Variants in DNAH3 observed in about 807,000 individuals in gnomAD.
DNAH3 encodes axonemal beta dynein heavy chain 3.
A neutral mutation model predicts 432.5 loss-of-function variants in DNAH3; 332 were observed. That is an observed-to-expected ratio of 0.77 (90% confidence interval 0.70 to 0.84). The LOEUF is 0.84. Ranked by LOEUF, DNAH3 falls within the 40% of genes least tolerant of loss-of-function variation. The pLI is 0.00. For synonymous variants in DNAH3, 1,956 were observed against 1,900.2 expected, an observed-to-expected ratio of 1.03 and a Z score of -0.76; for missense variants, 4,861 against 5,114.0, an observed-to-expected ratio of 0.95 and a Z score of 1.51.
intron 1 of DNAH3, among the ~76,000 whole-genome samples, chr16:21,153,875 C>T (rs1181753403): frequency 3.9e-5 from 6 of 152,198 alleles, no homozygotes; most frequent in South Asian, 2.1e-4. Context: ...TACTCCTTTT[C>T]CTCAAAGTTG....
At chr16:21,010,485 GACAA>G (rs1320294661) in intron 41 of DNAH3, among the ~76,000 whole-genome samples, 1 of 152,160 alleles carries the variant, frequency 6.6e-6, no homozygotes, top group East Asian at 1.9e-4. Flanking sequence ...TCCCTGGGTT[GACAA>G]ACAAAGGTCC....
rs576001289 is a variant in DNAH3, at chr16:21,090,249, TAGA to T, written c.2666-3192_2666-3190del. Among the ~76,000 whole-genome samples the T allele has an allele frequency of 8.0e-4, 120 of 150,326 alleles. 1 individual carries two copies. Among genetic ancestry groups the T allele is most frequent in the Middle Eastern group, 6.9e-3 (2 of 290 alleles). On this transcript the variant is annotated intron_variant, in intron 18 of 61. Transcript: ENST00000261383. ...TTCACTGGAAAATTCTGCCAAACAT[TAGA>T]AGAAGAAAAAAATAACAGCAAAACC...
At chr16:20,933,754 A>G (rs1454044493) in intron 61 of DNAH3, among the ~76,000 whole-genome samples, 1 of 152,228 alleles carries the variant, frequency 6.6e-6, no homozygotes, top group African/African-American at 2.4e-5. Flanking sequence ...TAGGAGTCAC[A>G]TTATTCTAAC....
At chr16:21,128,568 G>A (rs1423537204) in intron 7 of DNAH3, among the ~76,000 whole-genome samples, 5 of 151,692 alleles carry the variant, frequency 3.3e-5, no homozygotes, top group Admixed American at 6.6e-5. Context: ...GGTGGCGGGC[G>A]CCTGTAATCC....
In DNAH3 at chr16:21,122,099, T is replaced by C. The variant is rs1196330101; in HGVS notation, c.1430A>G (p.Tyr477Cys). The C allele has an allele frequency of 1.9e-6, 3 of 1,612,482 alleles. No individual in the cohort carries two copies. In the East Asian group the frequency reaches 6.7e-5, roughly 36 times the overall value. ...AGGTATGAAAAACTTCATCTCTTGGTAGGGCTCCTTAAAATCATTCCCATC... is the reference window on the plus strand; with the variant it reads ...AGGTATGAAAAACTTCATCTCTTGGCAGGGCTCCTTAAAATCATTCCCATC... The change falls in exon 10 of 62, where the codon TAC becomes TGC. Residue 477 changes from tyrosine (Y) to cysteine (C), a missense_variant. Transcript: ENST00000261383.
chr16:21,038,186 T>G (rs7187726), intron 33 of DNAH3, among the ~76,000 whole-genome samples: 12,268 of 152,156 alleles, frequency 0.081, 706 homozygotes, highest in South Asian at 0.18. Flanking sequence ...CATATATGTA[T>G]AACATGTATG....
At chr16:21,147,481 G>A (rs1168616731) in intron 1 of DNAH3, among the ~76,000 whole-genome samples, 3 of 152,088 alleles carry the variant, frequency 2.0e-5, no homozygotes, top group Admixed American at 6.5e-5. Context: ...CTTCCAAAGT[G>A]CTCGGATTAC....
intron 29 of DNAH3, among the ~76,000 whole-genome samples, chr16:21,050,534 G>T (rs1345461951): frequency 6.6e-6 from 1 of 152,116 alleles, no homozygotes; most frequent in Non-Finnish European, 1.5e-5. Context: ...GACCTCCTGG[G>T]CCCAAGTGAT....
At chr16:20,934,942 C>A (rs974318236) in intron 61 of DNAH3, among the ~76,000 whole-genome samples, 1 of 152,146 alleles carries the variant, frequency 6.6e-6, no homozygotes, top group Non-Finnish European at 1.5e-5. Flanking sequence ...AACAGTCAAT[C>A]GTAGCCATTC....
At chr16:20,966,536 G>A (rs1472184) in intron 52 of DNAH3, among the ~76,000 whole-genome samples, 10,839 of 152,110 alleles carry the variant, frequency 0.071, 521 homozygotes, top group East Asian at 0.17. Flanking sequence ...AGCACTTATT[G>A]CAACCTGTAA....
intron 46 of DNAH3, 94 bp downstream of exon 46, chr16:20,987,599 C>T: frequency 1.2e-5 from 18 of 1,546,182 alleles, no homozygotes; most frequent in Admixed American, 7.1e-5. Context: ...AGACTAAGTG[C>T]CTAATAAAAG....
chr16:21,089,621 C>A lies in DNAH3; in HGVS notation c.2666-2561G>T, dbSNP rs146518041. Among the ~76,000 whole-genome samples, 189 of 152,074 alleles carry A rather than the reference C, an allele frequency of 1.2e-3. 1 individual carries two copies. Among genetic ancestry groups the A allele is most frequent in the Admixed American group, 6.0e-3 (91 of 15,266 alleles). On this transcript the variant is annotated intron_variant, in intron 18 of 61. Coordinates refer to ENST00000261383, the Ensembl canonical transcript of DNAH3. ...ACACACTTATAAATAATCCATAGGT[C>A]CTAGAGGAGTCTCAAAGGAAATTAG...
intron 1 of DNAH3, among the ~76,000 whole-genome samples, chr16:21,152,554 C>A (rs535511804): frequency 2.0e-5 from 3 of 152,386 alleles, no homozygotes; most frequent in Admixed American, 6.5e-5. Context: ...CTGGGCTGGG[C>A]AAGGCCGAAG....
At chr16:20,975,358 C>G in exon 51 of DNAH3, 1 of 1,614,140 alleles carries the variant, frequency 6.2e-7, no homozygotes, top group South Asian at 1.1e-5. Flanking sequence ...GCAGTTTCCT[C>G]GGAGGTGAGG....
chr16:21,138,427 G>A (rs193262803), intron 5 of DNAH3, among the ~76,000 whole-genome samples: 1 of 152,250 alleles, frequency 6.6e-6, no homozygotes, highest in African/African-American at 2.4e-5. Flanking sequence ...CAGATTCCCA[G>A]GCCCCTCCTC....
chr16:21,003,165 T>A, exon 42 of DNAH3: 1 of 1,612,682 alleles, frequency 6.2e-7, no homozygotes, highest in Non-Finnish European at 8.5e-7. Flanking sequence ...CGTTTCCCAA[T>A]GTCCACTAGC....
rs118115565 is a variant in DNAH3, at chr16:21,064,648, T to C, written c.3519-1965A>G. ...ATGGGTGATCTCTATGGATATACAC[T>C]CCCTCTATCTCCATCATGTGCTATA... On this transcript the variant is annotated intron_variant, in intron 24 of 61. Coordinates refer to ENST00000261383, the Ensembl canonical transcript of DNAH3. 1.4e-3 allele frequency among the ~76,000 whole-genome samples: 219 copies of C among 152,266 alleles called. 7 individuals are homozygous for C. In the East Asian group the frequency reaches 0.033, roughly 23 times the overall value.
chr16:20,961,708 C>G (rs1025661706), intron 53 of DNAH3, among the ~76,000 whole-genome samples: 4 of 150,322 alleles, frequency 2.7e-5, no homozygotes, highest in Non-Finnish European at 5.9e-5. Context: ...TCCCCGCCAA[C>G]AGCTTGATTT....
intron 31 of DNAH3, 127 bp downstream of exon 31, chr16:21,049,442 C>T (rs1274887867): frequency 3.0e-6 from 2 of 676,244 alleles, no homozygotes; most frequent in Non-Finnish European, 5.1e-6. Flanking sequence ...TCACTGAGTA[C>T]CTGCTTTGGA....
Sources: gnomAD v4.1 joint callset for allele counts (sites outside exome capture counted in the v4.1 genomes callset) on GRCh38, gnomAD v4.1.1 for gene constraint, MANE v1.5 for transcripts, NCBI Gene and HGNC (gene_info 2026-07-23, HGNC 2026-07-21) for gene names.